Variants in ENPEP observed in about 807,000 individuals in gnomAD.
ENPEP encodes the protein AP-A.
A neutral mutation model predicts 114.5 loss-of-function variants in ENPEP; 103 were observed. The ratio of observed to expected loss-of-function variants is 0.90; its 90% CI spans 0.77 to 1.06. ENPEP has a LOEUF of 1.06. Ranked by LOEUF, ENPEP falls within the 50% of genes least tolerant of loss-of-function variation. ENPEP has a pLI of 0.00. For synonymous variants in ENPEP, 420 were observed against 422.0 expected (o/e 1.00, Z 0.06); for missense variants, 1,196 against 1,161.3 (o/e 1.03, Z -0.43).
intron 19 of ENPEP, 42 bp from the exon 20 acceptor site, chr4:110,561,364 G>T (rs765937644): frequency 1.9e-6 from 3 of 1,592,070 alleles, no homozygotes; most frequent in South Asian, 1.1e-5. Flanking sequence ...AGACTAATTT[G>T]GCTATAAATG....
At position 110,559,714 on chromosome 4, in the gene ENPEP, C is replaced by A; in HGVS notation, c.2710C>A (p.Gln904Lys). Reference sequence around the variant, plus strand: ...AGCAGAGCCATTCAACACTGAACTGCAACTGTGGCAGGTATGAAGATAAAT... The same window carrying A: ...AGCAGAGCCATTCAACACTGAACTGAAACTGTGGCAGGTATGAAGATAAAT... ...TIAEPFNTELQLWQMESFFAK... is the reference protein window; with the variant it reads ...TIAEPFNTELKLWQMESFFAK... The change falls in exon 19 of 20, where the codon CAA becomes AAA. Residue 904 changes from glutamine (Q) to lysine (K), a missense_variant. Gln to Lys is a moderately conservative substitution (Grantham distance 53). Transcript: ENST00000265162. 1 of 1,612,946 alleles carries A rather than the reference C, an allele frequency of 6.2e-7. No individual in the cohort carries two copies. Among genetic ancestry groups the A allele is most frequent in the Non-Finnish European group, 8.5e-7 (1 of 1,179,000 alleles).
rs779376716 is a variant in ENPEP at position 110,561,587 on chromosome 4, T to C, written c.*29T>C. 2.5e-6 allele frequency: 4 copies of C among 1,597,384 alleles called. No individual in the cohort carries two copies. In the East Asian group the frequency reaches 8.9e-5, roughly 36 times the overall value. ...ATTCAAATGTTAGAGTTTAATTTTG[T>C]GAATCTATTGTTTCTCCTCTGAAGC... On this transcript the variant is annotated 3_prime_UTR_variant, in exon 20 of 20. Transcript: ENST00000265162.
chr4:110,564,886 A>C lies in ENPEP; in HGVS notation c.*3328A>C, dbSNP rs552438813. On this transcript the variant is annotated 3_prime_UTR_variant, in exon 20 of 20. Coordinates refer to ENST00000265162, the MANE Select transcript of ENPEP (RefSeq NM_001977.4). ...CAGCAGTATTCCAGATAGAGGCCGC[A>C]CTATGAGCCTGAATTCCAGGATAAA... 1 of 152,210 alleles carries C rather than the reference A, an allele frequency of 6.6e-6. No individual in the cohort carries two copies. 9.4% of individuals were successfully genotyped at this position (152,210 alleles called of 1,614,324 possible).
Position 110,476,430 on chromosome 4 carries a change from A to G in ENPEP, c.16A>G (p.Arg6Gly). 6.6e-7 allele frequency: 1 copy of G among 1,516,118 alleles called. No homozygotes were observed. Among genetic ancestry groups the G allele is most frequent in the East Asian group, 2.3e-5 (1 of 43,836 alleles). 93.9% of individuals were successfully genotyped at this position (1,516,118 alleles called of 1,614,324 possible). The part of the protein sequence containing the change: MNFAE[R>G]EGSKRYCIQT... ...GGAAGCAAAAATGAACTTTGCGGAG[A>G]GAGAGGGCTCTAAGAGATACTGCAT... Residue 6 changes from arginine to glycine, a missense_variant, in exon 1 of 20, where the codon AGA (arginine) becomes GGA (glycine). Physicochemically the swap from Arg to Gly is moderately radical, Grantham distance 125. Transcript: ENST00000265162.
intron 13 of ENPEP, among the ~76,000 whole-genome samples, chr4:110,547,371 A>G (rs1217306678): frequency 6.6e-6 from 1 of 152,096 alleles, no homozygotes; most frequent in East Asian, 1.9e-4. Flanking sequence ...TATGGACTTA[A>G]ATGGAGTTTG....
At chr4:110,479,823 C>G (rs1326065579) in intron 1 of ENPEP, among the ~76,000 whole-genome samples, 1 of 151,924 alleles carries the variant, frequency 6.6e-6, no homozygotes, top group Non-Finnish European at 1.5e-5. Flanking sequence ...ATAAAACCAT[C>G]AAAATATTTA....
chr4:110,493,967 G>C (rs1035076007), intron 3 of ENPEP, among the ~76,000 whole-genome samples: 1 of 152,122 alleles, frequency 6.6e-6, no homozygotes, highest in Non-Finnish European at 1.5e-5. Flanking sequence ...GAAACACCGT[G>C]GGAGTAAATA....
At chr4:110,559,305 T>C (rs1347025845) in intron 18 of ENPEP, 16 of 181,730 alleles carry the variant, frequency 8.8e-5, no homozygotes, top group Non-Finnish European at 1.8e-4. Flanking sequence ...TGGTAAGAAT[T>C]GGGTTACCTG....
chr4:110,529,635 T>C lies in ENPEP; in HGVS notation c.1728-1563T>C, dbSNP rs538403883. ...AAGCATTCTCACACCTGTCACTCACTGTTAAGGGCCACATCCAGAAGGACG... is the reference window on the plus strand; with the variant it reads ...AAGCATTCTCACACCTGTCACTCACCGTTAAGGGCCACATCCAGAAGGACG... On this transcript the variant is annotated intron_variant, in intron 10 of 19. Transcript: ENST00000265162. Among the ~76,000 whole-genome samples the C allele has an allele frequency of 1.6e-3, 238 of 152,282 alleles. 1 individual carries two copies. Among genetic ancestry groups the C allele is most frequent in the African/African-American group, 5.3e-3 (219 of 41,564 alleles).
chr4:110,486,667 TC>T (rs1404268720), intron 1 of ENPEP, among the ~76,000 whole-genome samples: 1 of 152,188 alleles, frequency 6.6e-6, no homozygotes, highest in Non-Finnish European at 1.5e-5. Context: ...GTCATCACTC[TC>T]CTAAGTTATT....
At chr4:110,550,638 AT>A (rs906618775) in intron 17 of ENPEP, among the ~76,000 whole-genome samples, 3 of 151,966 alleles carry the variant, frequency 2.0e-5, no homozygotes, top group Non-Finnish European at 4.4e-5. Context: ...TCCTTAATTC[AT>A]TTTTTGCTTA....
At chr4:110,533,918 G>T (rs1321338308) in intron 11 of ENPEP, among the ~76,000 whole-genome samples, 1 of 152,182 alleles carries the variant, frequency 6.6e-6, no homozygotes, top group Non-Finnish European at 1.5e-5. Flanking sequence ...GAGGCTGATA[G>T]TTACAGAGCT....
Position 110,476,404 on chromosome 4 carries a change from T to C in ENPEP, c.-11T>C. ...TCTTTTTATGTGTAACACTTGACTT[T>C]GGAAGCAAAAATGAACTTTGCGGAG... On this transcript the variant is annotated 5_prime_UTR_variant, in exon 1 of 20. Coordinates refer to ENST00000265162, the MANE Select transcript of ENPEP (RefSeq NM_001977.4). The C allele has an allele frequency of 1.3e-6, 2 of 1,511,002 alleles. No individual in the cohort carries two copies. The highest frequency in any genetic ancestry group is 2.7e-5 in the South Asian group (2 of 74,412). 93.6% of individuals were successfully genotyped at this position (1,511,002 alleles called of 1,614,324 possible).
chr4:110,499,226 A>G (rs1225995782), intron 3 of ENPEP, among the ~76,000 whole-genome samples: 2 of 152,188 alleles, frequency 1.3e-5, no homozygotes, highest in African/African-American at 4.8e-5. Flanking sequence ...TGATACTAAC[A>G]CTTTTGATGG....
rs1037818325 is a variant in ENPEP at position 110,564,784 on chromosome 4, A to T, written c.*3226A>T. 5.3e-5 allele frequency: 8 copies of T among 152,174 alleles called. No individual in the cohort carries two copies. Among genetic ancestry groups the T allele is most frequent in the Non-Finnish European group, 8.8e-5 (6 of 68,036 alleles). 9.4% of individuals were successfully genotyped at this position (152,174 alleles called of 1,614,324 possible). A position where few individuals can be genotyped will look rare whatever the true frequency, so the allele number is the denominator to read the frequency against. Reference sequence around the variant, plus strand: ...CAGTGAAACAGAGTGAAAATGATGTATGTCAATTTTAGGCAGAAACGTCCA... The same window carrying T: ...CAGTGAAACAGAGTGAAAATGATGTTTGTCAATTTTAGGCAGAAACGTCCA... On this transcript the variant is annotated 3_prime_UTR_variant, in exon 20 of 20. Transcript: ENST00000265162.
intron 11 of ENPEP, among the ~76,000 whole-genome samples, chr4:110,534,177 T>C (rs373763488): frequency 5.4e-5 from 8 of 149,504 alleles, no homozygotes; most frequent in Non-Finnish European, 8.9e-5. Flanking sequence ...TTGGTTTCTT[T>C]GATGATTCAT....
At chr4:110,506,493 C>T in intron 3 of ENPEP, 144 bp from the exon 4 acceptor site, 2 of 751,060 alleles carry the variant, frequency 2.7e-6, no homozygotes, top group Non-Finnish European at 4.1e-6. Flanking sequence ...AGACAACACG[C>T]TAGTATGAGG....
chr4:110,489,091 G>A (rs1426408195), intron 2 of ENPEP, among the ~76,000 whole-genome samples: 1 of 151,738 alleles, frequency 6.6e-6, no homozygotes, highest in African/African-American at 2.4e-5. Context: ...TTTTGAAAAA[G>A]ATAAAGCTAC....
intron 17 of ENPEP, among the ~76,000 whole-genome samples, chr4:110,550,549 A>G (rs1727249396): frequency 2.0e-5 from 3 of 152,056 alleles, no homozygotes; most frequent in African/African-American, 7.2e-5. Context: ...AAATGCATTT[A>G]CACTTTACTC....
Sources: gnomAD v4.1 joint callset for allele counts (sites outside exome capture counted in the v4.1 genomes callset) on GRCh38, gnomAD v4.1.1 for gene constraint, MANE v1.5 for transcripts, NCBI Gene and HGNC (gene_info 2026-07-23, HGNC 2026-07-21) for gene names.